KSR2: variants seen among roughly 807,000 people sequenced by gnomAD.
KSR2 encodes the protein kinase suppressor of ras 2.
A neutral mutation model predicts 107.8 loss-of-function variants in KSR2; 25 were observed. The ratio of observed to expected loss-of-function variants is 0.23; its 90% confidence interval spans 0.17 to 0.32. KSR2 has a LOEUF of 0.32. KSR2 is among the 10% of genes least tolerant of loss of function. KSR2 has a pLI of 1.00. For synonymous variants in KSR2, 480 were observed against 507.0 expected (o/e 0.95, Z 0.71); for missense variants, 887 against 1,268.9 (o/e 0.70, Z 4.57).
intron 5 of KSR2, among the ~76,000 whole-genome samples, chr12:117,635,611 T>A (rs945624370): frequency 2.6e-5 from 4 of 152,134 alleles, no homozygotes; most frequent in Non-Finnish European, 5.9e-5. Context: ...GAAAATATAA[T>A]TTTTTAATGA....
intron 2 of KSR2, 70 bp from the exon 3 acceptor site, chr12:117,855,648 G>C: frequency 4.6e-6 from 7 of 1,514,852 alleles, no homozygotes; most frequent in African/African-American, 2.7e-5. Flanking sequence ...CTGCCCTGTA[G>C]TGGTGCCTAG....
intron 3 of KSR2, among the ~76,000 whole-genome samples, chr12:117,774,431 G>A (rs188506216): frequency 2.6e-5 from 4 of 152,132 alleles, no homozygotes; most frequent in East Asian, 1.9e-4. Context: ...CACTAGCCCC[G>A]CCCCAGGATG....
intron 19 of KSR2, among the ~76,000 whole-genome samples, chr12:117,469,026 T>C (rs1871288463): frequency 6.6e-6 from 1 of 152,194 alleles, no homozygotes; most frequent in South Asian, 2.1e-4. Context: ...GTCTCCCTTT[T>C]ACCTTCTAGA....
At chr12:117,626,349 T>C (rs1882514407) in intron 5 of KSR2, among the ~76,000 whole-genome samples, 1 of 152,252 alleles carries the variant, frequency 6.6e-6, no homozygotes, top group African/African-American at 2.4e-5. Context: ...TTTAGTGCTA[T>C]AAATTTCCCT....
At chr12:117,551,988 C>T (rs1033370281) in intron 9 of KSR2, among the ~76,000 whole-genome samples, 4 of 152,120 alleles carry the variant, frequency 2.6e-5, no homozygotes, top group Non-Finnish European at 2.9e-5. Context: ...CTGAGCTCCT[C>T]GTCCCTCAAA....
chr12:117,860,550 G>A, intron 1 of KSR2, 119 bp from the exon 2 acceptor site: 2 of 981,652 alleles, frequency 2.0e-6, no homozygotes, highest in Non-Finnish European at 2.9e-6. Context: ...TTAAAGACTG[G>A]TTCCGCTACA....
In KSR2 at chr12:117,814,374, T is replaced by A. The variant is rs1373573051; in HGVS notation, c.472+41054A>T. On this transcript the variant is annotated intron_variant, in intron 3 of 19. Coordinates refer to ENST00000339824, the MANE Select transcript of KSR2 (RefSeq NM_173598.6). Reference sequence around the variant, plus strand: ...ATCAAAATCCCATAAATATCTACAATTATTATATGTCAATTAAAAATAAAT... The same window carrying A: ...ATCAAAATCCCATAAATATCTACAAATATTATATGTCAATTAAAAATAAAT... Among the ~76,000 whole-genome samples the A allele has an allele frequency of 2.6e-5, 4 of 152,108 alleles. No individual in the cohort carries two copies. The East Asian group carries it at 7.7e-4, about 29-fold the overall frequency.
At chr12:117,942,809 T>TAAAG (rs373867954) in intron 1 of KSR2, among the ~76,000 whole-genome samples, 45 of 152,226 alleles carry the variant, frequency 3.0e-4, no homozygotes, top group African/African-American at 1.1e-3. Context: ...CTATATTTCT[T>TAAAG]AAAGAAACAA....
chr12:117,836,344 G>A (rs1419241507), intron 3 of KSR2, among the ~76,000 whole-genome samples: 1 of 152,078 alleles, frequency 6.6e-6, no homozygotes, highest in African/African-American at 2.4e-5. Context: ...AGGCAGAACA[G>A]GCAATGCCAA....
Position 117,968,486 on chromosome 12 carries a change from T to C in KSR2, c.-231A>G, listed in dbSNP as rs1326294620. On this transcript the variant is annotated 5_prime_UTR_variant, in exon 1 of 20. Coordinates refer to ENST00000339824, the MANE Select transcript of KSR2 (RefSeq NM_173598.6). ...GGATATCAAGCGGACTCCATTAGAA[T>C]GTCTCCTCTCTCTCTGAGTCTCTGG... The C allele has an allele frequency of 7.0e-6, 9 of 1,294,086 alleles. No individual in the cohort carries two copies. Among genetic ancestry groups the C allele is most frequent in the African/African-American group, 1.5e-5 (1 of 65,038 alleles). The allele number at this position is 1,294,086 out of a possible 1,614,324, so 80.2% of individuals were successfully genotyped here.
At chr12:117,649,603 A>G (rs1883799675) in intron 5 of KSR2, among the ~76,000 whole-genome samples, 1 of 152,190 alleles carries the variant, frequency 6.6e-6, no homozygotes, top group African/African-American at 2.4e-5. Context: ...GCTGGTAAGT[A>G]ATACAGGGCA....
chr12:117,805,413 C>T (rs962999768), intron 3 of KSR2, among the ~76,000 whole-genome samples: 1 of 152,202 alleles, frequency 6.6e-6, no homozygotes, highest in South Asian at 2.1e-4. Flanking sequence ...TAAACGTGGG[C>T]AAGTTACTGC....
intron 3 of KSR2, among the ~76,000 whole-genome samples, chr12:117,803,539 A>G (rs1217831169): frequency 6.6e-6 from 1 of 151,994 alleles, no homozygotes; most frequent in Non-Finnish European, 1.5e-5. Flanking sequence ...CGTCTCTACT[A>G]AAAATACAAA....
At chr12:117,575,981 T>C (rs1478468831) in intron 7 of KSR2, among the ~76,000 whole-genome samples, 2 of 152,160 alleles carry the variant, frequency 1.3e-5, no homozygotes, top group Non-Finnish European at 1.5e-5. Context: ...CCAAACTCAG[T>C]TCTGACTGCT....
At chr12:117,734,105 AC>A (rs1274977050) in intron 4 of KSR2, among the ~76,000 whole-genome samples, 6 of 152,002 alleles carry the variant, frequency 3.9e-5, no homozygotes, top group African/African-American at 1.4e-4. Context: ...ACATGGTGAA[AC>A]CCCGTCTCTA....
In KSR2 at chr12:117,466,338, A is replaced by AG. The variant is rs1047591468; in HGVS notation, c.*860dup. The AG allele has an allele frequency of 6.6e-6, 1 of 152,186 alleles. No individual in the cohort carries two copies. The highest frequency in any genetic ancestry group is 2.4e-5 in the African/African-American group (1 of 41,432). The allele number at this position is 152,186 out of a possible 1,614,324, so 9.4% of individuals were successfully genotyped here. On this transcript the variant is annotated 3_prime_UTR_variant, in exon 20 of 20. Transcript: ENST00000339824. ...CCCTGATTCTCAGGGACCAGACTTC[A>AG]GGGGGTGCCCTGAATGACGGTGAGC...
chr12:117,772,810 A>C (rs559909647), intron 3 of KSR2, among the ~76,000 whole-genome samples: 2 of 152,312 alleles, frequency 1.3e-5, no homozygotes, highest in African/African-American at 4.8e-5. Context: ...ACAACACACC[A>C]TTCCACCGGG....
At chr12:117,753,947 CGT>C (rs34174404) in intron 4 of KSR2, among the ~76,000 whole-genome samples, 16,884 of 128,516 alleles carry the variant, frequency 0.13, 993 homozygotes, top group East Asian at 0.19. Context: ...AAGTATAGAG[CGT>C]GTGTGTGTGT....
intron 3 of KSR2, among the ~76,000 whole-genome samples, chr12:117,810,696 C>A (rs1891161221): frequency 6.6e-6 from 1 of 152,128 alleles, no homozygotes; most frequent in Non-Finnish European, 1.5e-5. Context: ...AGCTAATATG[C>A]AGAAGAAATG....
Sources: gnomAD v4.1 joint callset for allele counts (sites outside exome capture counted in the v4.1 genomes callset) on GRCh38, gnomAD v4.1.1 for gene constraint, MANE v1.5 for transcripts, NCBI Gene and HGNC (gene_info 2026-07-23, HGNC 2026-07-21) for gene names.